The following BACE2 variants were observed in gnomAD, a reference collection of about 807,000 sequenced individuals.
The protein encoded by BACE2 is 56 kDa aspartic-like protease.
BACE2 carries 17 observed loss-of-function variants against 46.2 expected under a neutral mutation model. The ratio of observed to expected loss-of-function variants is 0.37; its 90% CI spans 0.25 to 0.55. BACE2 has a LOEUF of 0.55. Among genes scored for constraint, BACE2 ranks in the 20% least tolerant of loss-of-function variants. The pLI, the probability that BACE2 is intolerant of heterozygous loss-of-function variation, is 0.82. For missense variants in BACE2, 595 were observed against 698.1 expected (o/e 0.85, Z 1.66); for synonymous variants, 277 against 295.9 (o/e 0.94, Z 0.66).
chr21:41,241,530 C>G (rs1485902364), intron 3 of BACE2, among the ~76,000 whole-genome samples: 2 of 152,168 alleles, frequency 1.3e-5, no homozygotes, highest in East Asian at 1.9e-4. Context: ...TTCTCACACC[C>G]CCTCACAAGG....
intron 2 of BACE2, among the ~76,000 whole-genome samples, chr21:41,227,781 A>G (rs929604001): frequency 6.6e-6 from 1 of 152,210 alleles, no homozygotes; most frequent in Non-Finnish European, 1.5e-5. Context: ...AGCTGTTGCT[A>G]TAACCACAAA....
At chr21:41,180,152 A>C in intron 1 of BACE2, 1 of 181,582 alleles carries the variant, frequency 5.5e-6, no homozygotes, top group South Asian at 1.6e-4. Context: ...TTATGCAGAC[A>C]TTTCCAGGGT....
intron 1 of BACE2, among the ~76,000 whole-genome samples, chr21:41,174,672 A>T (rs971012149): frequency 6.6e-6 from 1 of 152,050 alleles, no homozygotes; most frequent in Admixed American, 6.5e-5. Context: ...TCTTGCCCCA[A>T]CCCCACACTG....
intron 6 of BACE2, among the ~76,000 whole-genome samples, chr21:41,248,373 TGA>T (rs1987535673): frequency 6.6e-6 from 1 of 152,164 alleles, no homozygotes; most frequent in South Asian, 2.1e-4. Context: ...GAATCTGAGG[TGA>T]GCTCCCCAGG....
intron 8 of BACE2, among the ~76,000 whole-genome samples, chr21:41,269,917 A>C (rs1220807843): frequency 6.6e-6 from 1 of 152,104 alleles, no homozygotes; most frequent in African/African-American, 2.4e-5. Context: ...AAGCTGCCAA[A>C]CTCATTTTCA....
intron 1 of BACE2, among the ~76,000 whole-genome samples, chr21:41,211,152 C>G (rs1986288160): frequency 6.6e-6 from 1 of 152,028 alleles, no homozygotes; most frequent in Non-Finnish European, 1.5e-5. Context: ...GCAGCCAAGC[C>G]CATCCCCATT....
At chr21:41,226,120 T>C in intron 1 of BACE2, 146 bp from the exon 2 acceptor site, 1 of 635,588 alleles carries the variant, frequency 1.6e-6, no homozygotes, top group Non-Finnish European at 2.7e-6. Context: ...AATAGCTTTT[T>C]CTATTCTCCT....
At chr21:41,252,153 G>A (rs773073840) in intron 7 of BACE2, among the ~76,000 whole-genome samples, 7 of 152,102 alleles carry the variant, frequency 4.6e-5, no homozygotes, top group Non-Finnish European at 7.3e-5. Flanking sequence ...TGAGTAAGCA[G>A]TGCGTCCCCA....
At chr21:41,182,231 G>A (rs1171334850) in intron 1 of BACE2, 3 of 167,110 alleles carry the variant, frequency 1.8e-5, no homozygotes, top group Non-Finnish European at 4.4e-5. Flanking sequence ...TGGTTGTAGT[G>A]CCCTTCCTTT....
chr21:41,184,525 T>G (rs1985293781), intron 1 of BACE2: 1 of 167,112 alleles, frequency 6.0e-6, no homozygotes, highest in Admixed American at 6.5e-5. Flanking sequence ...GTTCCCTCAT[T>G]TCCATCAACT....
At chr21:41,207,479 TAGTC>T (rs1259913344) in intron 1 of BACE2, among the ~76,000 whole-genome samples, 3 of 152,186 alleles carry the variant, frequency 2.0e-5, no homozygotes, top group Admixed American at 1.3e-4. Flanking sequence ...CTTCATTCGT[TAGTC>T]AGTAGGATCG....
At chr21:41,232,675 T>C (rs1229144948) in intron 2 of BACE2, among the ~76,000 whole-genome samples, 1 of 152,134 alleles carries the variant, frequency 6.6e-6, no homozygotes, top group African/African-American at 2.4e-5. Context: ...TCTCACCATG[T>C]AATGTACTGT....
chr21:41,177,144 T>C (rs1984884438), intron 1 of BACE2: 1 of 152,256 alleles, frequency 6.6e-6, no homozygotes, highest in Non-Finnish European at 1.5e-5. Flanking sequence ...GGGCTGTGTT[T>C]TGCCCTCTGG....
At chr21:41,199,178 T>C (rs1201788402) in intron 1 of BACE2, among the ~76,000 whole-genome samples, 1 of 151,940 alleles carries the variant, frequency 6.6e-6, no homozygotes, top group Non-Finnish European at 1.5e-5. Context: ...CGCCTTCTTT[T>C]TTAACAGGAA....
At chr21:41,262,719 A>G (rs1987971830) in intron 8 of BACE2, among the ~76,000 whole-genome samples, 1 of 152,196 alleles carries the variant, frequency 6.6e-6, no homozygotes, top group Admixed American at 6.5e-5. Flanking sequence ...TTGTCCAAAA[A>G]GATTCACACA....
Position 41,241,814 on chromosome 21 carries a change from C to T in BACE2, c.619-5C>T, listed in dbSNP as rs202166013. ...CGGGTGCCCCTCTCTGTCGCCCTCC[C>T]GCAGCCATCAAGTTCTCTGGAGACC... On this transcript the variant is annotated splice_region_variant and splice_polypyrimidine_tract_variant and intron_variant, in intron 3 of 8. Coordinates refer to ENST00000330333, the MANE Select transcript of BACE2 (RefSeq NM_012105.5). 33 of 1,614,052 alleles carry T rather than the reference C, an allele frequency of 2.0e-5. No individual in the cohort carries two copies. The African/African-American group carries it at 2.8e-4, about 14-fold the overall frequency.
chr21:41,263,952 A>G (rs1433185893), intron 8 of BACE2, among the ~76,000 whole-genome samples: 1 of 152,054 alleles, frequency 6.6e-6, no homozygotes, highest in Non-Finnish European at 1.5e-5. Context: ...CATTCTTTCT[A>G]GTCTCTTCTT....
intron 3 of BACE2, among the ~76,000 whole-genome samples, chr21:41,238,089 T>C (rs1435238109): frequency 6.6e-6 from 1 of 152,210 alleles, no homozygotes; most frequent in African/African-American, 2.4e-5. Flanking sequence ...TACGTTTGCG[T>C]GAAGATGGAG....
At chr21:41,237,769 G>C (rs779157905) in intron 3 of BACE2, 40 bp downstream of exon 3, 1 of 1,549,004 alleles carries the variant, frequency 6.5e-7, no homozygotes. Context: ...CAAATAACAG[G>C]ATGAGATTCT....
Sources: allele counts gnomAD v4.1 joint callset (sites outside exome capture counted in the v4.1 genomes callset), GRCh38; gene constraint gnomAD v4.1.1; transcripts MANE v1.5; gene names NCBI Gene and HGNC (gene_info 2026-07-23, HGNC 2026-07-21).